TNFRSF21: variants seen among roughly 807,000 people sequenced by gnomAD.
TNFRSF21 encodes the protein tumor necrosis factor receptor superfamily member 21.
TNFRSF21 carries 19 observed loss-of-function variants against 45.6 expected under a neutral mutation model. The ratio of observed to expected loss-of-function variants is 0.42; its 90% CI spans 0.29 to 0.61. The LOEUF is 0.61. Among genes scored for constraint, TNFRSF21 ranks in the 20% least tolerant of loss-of-function variants. The pLI, the probability that TNFRSF21 is intolerant of heterozygous loss-of-function variation, is 0.23. For missense variants in TNFRSF21, 737 were observed against 851.5 expected (o/e 0.87, Z 1.67); for synonymous variants, 314 against 335.5 (o/e 0.94, Z 0.70).
chr6:47,298,804 A>T (rs1476448141), intron 1 of TNFRSF21, among the ~76,000 whole-genome samples: 1 of 152,198 alleles, frequency 6.6e-6, no homozygotes, highest in Non-Finnish European at 1.5e-5. Flanking sequence ...CTGGTCTAAA[A>T]GTTTAGAAAG....
At chr6:47,293,172 T>C (rs1293436142) in intron 1 of TNFRSF21, among the ~76,000 whole-genome samples, 2 of 152,240 alleles carry the variant, frequency 1.3e-5, no homozygotes, top group Admixed American at 6.5e-5. Context: ...TGTTTGCTGA[T>C]GGCCACTTAA....
chr6:47,297,238 T>G (rs1762801043), intron 1 of TNFRSF21, among the ~76,000 whole-genome samples: 1 of 152,212 alleles, frequency 6.6e-6, no homozygotes, highest in Non-Finnish European at 1.5e-5. Context: ...TGGGTGGCCT[T>G]GGCAAATGGC....
rs1762989944 is a variant in TNFRSF21, at chr6:47,309,653, G to C, written c.-142C>G. On this transcript the variant is annotated 5_prime_UTR_variant, in exon 1 of 6. Transcript: ENST00000296861. ...CCAACACCCCATGTGCACTGCTGCGGCCGGGCAGAGGAGGGAGGCGGCAAG... is the reference window on the plus strand; with the variant it reads ...CCAACACCCCATGTGCACTGCTGCGCCCGGGCAGAGGAGGGAGGCGGCAAG... 3.0e-5 allele frequency: 36 copies of C among 1,216,538 alleles called. No homozygotes were observed. The South Asian group carries it at 7.2e-4, about 24-fold the overall frequency. 75.4% of individuals were successfully genotyped at this position (1,216,538 alleles called of 1,614,324 possible).
In TNFRSF21 at chr6:47,244,505, T is replaced by C. The variant is rs185831292; in HGVS notation, c.1509+8751A>G. Among the ~76,000 whole-genome samples the C allele has an allele frequency of 2.9e-3, 439 of 152,332 alleles. 3 individuals carry two copies. Among genetic ancestry groups the C allele is most frequent in the African/African-American group, 9.4e-3 (389 of 41,574 alleles). Reference sequence around the variant, plus strand: ...CTTTTGATTTGTATACGGTGTTTTCTGGCTTGTGTATTTATTGTTAAGTAG... The same window carrying C: ...CTTTTGATTTGTATACGGTGTTTTCCGGCTTGTGTATTTATTGTTAAGTAG... On this transcript the variant is annotated intron_variant, in intron 4 of 5. Coordinates refer to ENST00000296861, the MANE Select transcript of TNFRSF21 (RefSeq NM_014452.5).
chr6:47,277,504 C>G (rs958147199), intron 3 of TNFRSF21, among the ~76,000 whole-genome samples: 1 of 152,096 alleles, frequency 6.6e-6, no homozygotes, highest in African/African-American at 2.4e-5. Flanking sequence ...ATGTGGCCAG[C>G]AATGTCCCAA....
At chr6:47,261,305 C>A (rs894422431) in intron 3 of TNFRSF21, among the ~76,000 whole-genome samples, 1 of 152,216 alleles carries the variant, frequency 6.6e-6, no homozygotes, top group Non-Finnish European at 1.5e-5. Context: ...CTCCAAGATG[C>A]CTTTGAGGCC....
At chr6:47,287,145 G>A (rs73473670) in intron 1 of TNFRSF21, among the ~76,000 whole-genome samples, 5,846 of 151,276 alleles carry the variant, frequency 0.039, 378 homozygotes, top group African/African-American at 0.13. Context: ...CCATCTCTAC[G>A]AAAAATAAGA....
In TNFRSF21 at chr6:47,253,472, T is replaced by A. The variant is rs998384780; in HGVS notation, c.1293A>T (p.Lys431Asn). ...LVAAQVGSQW[K>N]DIYQFLCNAS... is the part of the protein sequence containing the mutation. ...CATTGCAAAGAAACTGATAGATATCTTTCCACTGGCTTCCCACTTGGGCTG... is the reference window on the plus strand; with the variant it reads ...CATTGCAAAGAAACTGATAGATATCATTCCACTGGCTTCCCACTTGGGCTG... Residue 431 changes from lysine (K) to asparagine (N), a missense_variant, in exon 4 of 6, where the codon AAA becomes AAT. Lys to Asn is a moderately conservative substitution (Grantham distance 94, BLOSUM62 0). Transcript: ENST00000296861. The A allele has an allele frequency of 2.5e-6, 4 of 1,613,704 alleles. No homozygotes were observed. In the African/African-American group the frequency reaches 5.3e-5, roughly 22 times the overall value.
At chr6:47,252,093 G>C (rs773758131) in intron 4 of TNFRSF21, among the ~76,000 whole-genome samples, 3 of 152,104 alleles carry the variant, frequency 2.0e-5, no homozygotes, top group Non-Finnish European at 4.4e-5. Context: ...GAATTACTGC[G>C]CTATCAGTAT....
In TNFRSF21 at chr6:47,309,794, A is replaced by G; in HGVS notation, c.-283T>C. 1 of 366,912 alleles carries G rather than the reference A, an allele frequency of 2.7e-6. No homozygotes were observed. The highest frequency in any genetic ancestry group is 2.1e-5 in the African/African-American group (1 of 47,436). The allele number at this position is 366,912 out of a possible 1,614,324, so 22.7% of individuals were successfully genotyped here. On this transcript the variant is annotated 5_prime_UTR_variant, in exon 1 of 6. Transcript: ENST00000296861. Reference sequence around the variant, plus strand: ...CTCTCCTCCGACAGCGGCTGAGGAGAACCAGGGAGGAGGACTGGGCGCGAG... The same window carrying G: ...CTCTCCTCCGACAGCGGCTGAGGAGGACCAGGGAGGAGGACTGGGCGCGAG...
intron 3 of TNFRSF21, among the ~76,000 whole-genome samples, chr6:47,274,383 T>C (rs1267626473): frequency 6.6e-6 from 1 of 152,110 alleles, no homozygotes; most frequent in African/African-American, 2.4e-5. Context: ...AAACAAGAAA[T>C]GGGGAAAGGA....
chr6:47,244,345 G>C (rs1018616147), intron 4 of TNFRSF21, among the ~76,000 whole-genome samples: 2 of 138,510 alleles, frequency 1.4e-5, no homozygotes, highest in Non-Finnish European at 3.1e-5. Context: ...AAAAAAAAAG[G>C]CTTCAGTATT....
chr6:47,293,778 C>CTT (rs1762759130), intron 1 of TNFRSF21, among the ~76,000 whole-genome samples: 1 of 152,208 alleles, frequency 6.6e-6, no homozygotes, highest in African/African-American at 2.4e-5. Flanking sequence ...AAGGCAAAGT[C>CTT]TTTAACAAAG....
chr6:47,292,319 C>G lies in TNFRSF21; in HGVS notation c.97-5724G>C, dbSNP rs147377109. Among the ~76,000 whole-genome samples the G allele has an allele frequency of 1.8e-3, 281 of 151,980 alleles. 1 individual carries two copies. Among genetic ancestry groups the G allele is most frequent in the African/African-American group, 6.2e-3 (258 of 41,438 alleles). On this transcript the variant is annotated intron_variant, in intron 1 of 5. Coordinates refer to ENST00000296861, the MANE Select transcript of TNFRSF21 (RefSeq NM_014452.5). ...TTGTACAGAGTTGGATAAACTAGAT[C>G]GGAGGCTCACCAAAGCCTCGGGTCT... is the stretch of plus-strand genomic sequence containing the variant.
At chr6:47,258,130 G>A (rs1173481824) in intron 3 of TNFRSF21, among the ~76,000 whole-genome samples, 2 of 152,074 alleles carry the variant, frequency 1.3e-5, no homozygotes, top group Non-Finnish European at 1.5e-5. Context: ...AATTCTTTGG[G>A]AGGCTGAGGT....
intron 3 of TNFRSF21, among the ~76,000 whole-genome samples, chr6:47,280,973 T>C (rs1762559705): frequency 6.6e-6 from 1 of 152,190 alleles, no homozygotes; most frequent in Non-Finnish European, 1.5e-5. Flanking sequence ...TTCTACTAAT[T>C]GGGTAAATCT....
intron 4 of TNFRSF21, among the ~76,000 whole-genome samples, chr6:47,244,217 G>A (rs1383667832): frequency 9.9e-5 from 15 of 151,718 alleles, no homozygotes; most frequent in Admixed American, 7.3e-4. Flanking sequence ...CCAGCTACTC[G>A]GGAGGCAGAG....
Position 47,309,505 on chromosome 6 carries a change from T to A in TNFRSF21, c.7A>T (p.Thr3Ser). 1 of 1,475,800 alleles carries A rather than the reference T, an allele frequency of 6.8e-7. No individual in the cohort carries two copies. Among genetic ancestry groups the A allele is most frequent in the South Asian group, 1.3e-5 (1 of 74,186 alleles). 91.4% of individuals were successfully genotyped at this position (1,475,800 alleles called of 1,614,324 possible). The change falls in exon 1 of 6, where the codon ACC (threonine) becomes TCC (serine). Residue 3 changes from threonine to serine, a missense_variant. Coordinates refer to ENST00000296861, the MANE Select transcript of TNFRSF21 (RefSeq NM_014452.5). MG[T>S]SPSSSTALAS... ...AGGGCGGTGCTGCTGCTCGGAGAGG[T>A]CCCCATGGCTGAACCGGGGACTCGC...
At chr6:47,303,523 G>C (rs958520199) in intron 1 of TNFRSF21, among the ~76,000 whole-genome samples, 1 of 152,124 alleles carries the variant, frequency 6.6e-6, no homozygotes, top group Non-Finnish European at 1.5e-5. Flanking sequence ...GTGGCCTTTA[G>C]CACCTCTCAA....
Sources: gnomAD v4.1 joint callset for allele counts (sites outside exome capture counted in the v4.1 genomes callset) on GRCh38, gnomAD v4.1.1 for gene constraint, MANE v1.5 for transcripts, NCBI Gene and HGNC (gene_info 2026-07-23, HGNC 2026-07-21) for gene names.